The following TCF7L2 variants were observed in gnomAD, a reference collection of about 807,000 sequenced individuals.
TCF7L2 encodes transcription factor 7-like 2.
TCF7L2 carries 23 observed loss-of-function variants against 77.9 expected under a neutral mutation model. The observed-to-expected ratio is 0.30, with a 90% CI of 0.21 to 0.42. TCF7L2 has a LOEUF of 0.42. TCF7L2 is among the 10% of genes least tolerant of loss of function. The pLI is 1.00. For missense variants in TCF7L2, 654 were observed against 793.1 expected (o/e 0.82, Z 2.11); for synonymous variants, 413 against 340.2 (o/e 1.21, Z -2.36).
At chr10:113,146,598 GC>G (rs2069461490) in intron 8 of TCF7L2, among the ~76,000 whole-genome samples, 1 of 151,112 alleles carries the variant, frequency 6.6e-6, no homozygotes, top group African/African-American at 2.4e-5. Flanking sequence ...TTTCGTAGTA[GC>G]CGTGTTTTTA....
At position 113,154,986 on chromosome 10, in the gene TCF7L2, T is replaced by A. The variant is rs1290229412; in HGVS notation, c.1269+2546T>A. ...TGTGGTAGCAACTTAACTAGTATTT[T>A]TTTTTTTTTTTTTTAACTAACTTGA... On this transcript the variant is annotated intron_variant, in intron 11 of 13. Transcript: ENST00000627217. 7.9e-5 allele frequency among the ~76,000 whole-genome samples: 12 copies of A among 151,122 alleles called. No homozygotes were observed. In the East Asian group the frequency reaches 2.3e-3, roughly 29 times the overall value.
chr10:112,963,522 A>G (rs762189228), intron 3 of TCF7L2, among the ~76,000 whole-genome samples: 1 of 152,246 alleles, frequency 6.6e-6, no homozygotes, highest in Non-Finnish European at 1.5e-5. Context: ...GGGGAAATGG[A>G]CATCAATTTC....
At chr10:113,004,873 C>A (rs980042166) in intron 4 of TCF7L2, among the ~76,000 whole-genome samples, 5 of 152,042 alleles carry the variant, frequency 3.3e-5, no homozygotes, top group African/African-American at 1.2e-4. Flanking sequence ...GGGGTTCCAC[C>A]GTGTTGGCCA....
intron 1 of TCF7L2, 37 bp from the exon 2 acceptor site, chr10:112,951,170 T>C: frequency 1.9e-6 from 3 of 1,544,768 alleles, no homozygotes; most frequent in Non-Finnish European, 2.6e-6. Flanking sequence ...GCGTGGCGTT[T>C]GCCCCTCGCC....
chr10:113,166,171 A>T lies in TCF7L2; in HGVS notation c.*199A>T. On this transcript the variant is annotated 3_prime_UTR_variant, in exon 14 of 14. Transcript: ENST00000627217. ...TCAATTTCTCCTTTTAAATATGTAG[A>T]TGAGAGAAGAACCTCATGATTCTAC... 2.1e-6 allele frequency: 1 copy of T among 465,426 alleles called. No individual in the cohort carries two copies. The highest frequency in any genetic ancestry group is 3.6e-5 in the East Asian group (1 of 27,910). The allele number at this position is 465,426 out of a possible 1,614,324, so 28.8% of individuals were successfully genotyped here. A position where few individuals can be genotyped will look rare whatever the true frequency, so the allele number is the denominator to read the frequency against.
intron 5 of TCF7L2, among the ~76,000 whole-genome samples, chr10:113,065,546 G>T (rs903463933): frequency 6.6e-6 from 1 of 152,188 alleles, no homozygotes; most frequent in Non-Finnish European, 1.5e-5. Context: ...CTTATGAAGC[G>T]CTTAATATGC....
intron 5 of TCF7L2, among the ~76,000 whole-genome samples, chr10:113,088,224 A>T (rs116449331): frequency 0.015 from 2,326 of 152,158 alleles, 68 homozygotes; most frequent in African/African-American, 0.052. Flanking sequence ...ACAGCCCTAA[A>T]TTCTCTTGTT....
At chr10:112,992,745 G>A (rs2042796940) in intron 4 of TCF7L2, among the ~76,000 whole-genome samples, 1 of 151,604 alleles carries the variant, frequency 6.6e-6, no homozygotes, top group African/African-American at 2.4e-5. Context: ...GGAATGCAGT[G>A]TTACTCTCTT....
In TCF7L2 at chr10:113,151,927, G is replaced by A. The variant is rs1193105065; in HGVS notation, c.1161+43G>A. The A allele has an allele frequency of 1.3e-6, 2 of 1,562,910 alleles. No individual in the cohort carries two copies. The highest frequency in any genetic ancestry group is 8.6e-7 in the Non-Finnish European group (1 of 1,160,854). Reference sequence around the variant, plus strand: ...CAGGGAGAAGCGGGGGGCGGGTGGTGAGGGACCAGAGTGCAGCAGGTCAGG... The same window carrying A: ...CAGGGAGAAGCGGGGGGCGGGTGGTAAGGGACCAGAGTGCAGCAGGTCAGG... On this transcript the variant is annotated intron_variant, in intron 10 of 13. Transcript: ENST00000627217. The surrounding 1 kb of genome is among the most constrained non-coding windows in gnomAD (Gnocchi z 5.2).
chr10:113,102,410 G>T (rs1213854590), intron 5 of TCF7L2, among the ~76,000 whole-genome samples: 4 of 149,872 alleles, frequency 2.7e-5, no homozygotes, highest in East Asian at 3.9e-4. Flanking sequence ...TCTGTTTTTT[G>T]TTGTTGTTGT....
chr10:113,070,382 G>A (rs893378664), intron 5 of TCF7L2, among the ~76,000 whole-genome samples: 18 of 149,726 alleles, frequency 1.2e-4, no homozygotes, highest in Admixed American at 4.0e-4. Context: ...TCATTTCCTC[G>A]CTTTCCCTGC....
At chr10:113,025,561 T>G (rs2049002298) in intron 4 of TCF7L2, among the ~76,000 whole-genome samples, 1 of 152,060 alleles carries the variant, frequency 6.6e-6, no homozygotes, top group Admixed American at 6.6e-5. Context: ...TTATATTTTT[T>G]GTAGAGACAG....
At chr10:112,986,412 T>C (rs2041554316) in intron 4 of TCF7L2, among the ~76,000 whole-genome samples, 1 of 152,166 alleles carries the variant, frequency 6.6e-6, no homozygotes, top group African/African-American at 2.4e-5. Flanking sequence ...TAAGCTTTGC[T>C]CTGGGGTACA....
intron 5 of TCF7L2, among the ~76,000 whole-genome samples, chr10:113,068,899 CTT>C (rs35683038): frequency 6.2e-5 from 9 of 145,804 alleles, no homozygotes; most frequent in Admixed American, 6.9e-5. Flanking sequence ...GCTCCCAATT[CTT>C]TTTTTTTTTT....
intron 5 of TCF7L2, chr10:113,089,508 T>C: frequency 6.2e-7 from 1 of 1,613,810 alleles, no homozygotes; most frequent in Non-Finnish European, 8.5e-7. Context: ...GAGCCACTCC[T>C]TACAAAAAGT....
At chr10:113,092,380 T>C (rs1301028827) in intron 5 of TCF7L2, among the ~76,000 whole-genome samples, 1 of 152,224 alleles carries the variant, frequency 6.6e-6, no homozygotes, top group Non-Finnish European at 1.5e-5. Context: ...TGATAAAGGT[T>C]CACATACAGG....
At chr10:113,160,108 G>C in intron 12 of TCF7L2, 116 bp downstream of exon 14, 1 of 875,168 alleles carries the variant, frequency 1.1e-6, no homozygotes, top group Non-Finnish European at 1.8e-6. Context: ...GAGACACAGG[G>C]GAGTGGGACA....
intron 11 of TCF7L2, among the ~76,000 whole-genome samples, chr10:113,157,033 T>A (rs918799636): frequency 1.3e-5 from 2 of 152,258 alleles, no homozygotes; most frequent in African/African-American, 4.8e-5. Context: ...AGGAGTGGTA[T>A]CATCCTCATT....
chr10:113,060,270 A>G (rs1269725590), intron 5 of TCF7L2, among the ~76,000 whole-genome samples: 1 of 152,210 alleles, frequency 6.6e-6, no homozygotes, highest in African/African-American at 2.4e-5. Flanking sequence ...AATTCTGTTC[A>G]CACTTGAATT....
Sources: gnomAD v4.1 joint callset for allele counts (sites outside exome capture counted in the v4.1 genomes callset) on GRCh38, gnomAD v4.1.1 for gene constraint, Gnocchi (gnomAD v3.1) non-coding constraint, MANE v1.5 for transcripts, NCBI Gene and HGNC (gene_info 2026-07-23, HGNC 2026-07-21) for gene names.